Variants in ANO4 observed in about 807,000 individuals in gnomAD.
The protein encoded by ANO4 is anoctamin-4.
A neutral mutation model predicts 141.9 loss-of-function variants in ANO4; 69 were observed. The ratio of observed to expected loss-of-function variants is 0.49; its 90% CI spans 0.40 to 0.59. ANO4 has a LOEUF of 0.59. Ranked by LOEUF, ANO4 falls within the 20% of genes least tolerant of loss-of-function variation. ANO4 has a pLI of 0.00. For synonymous variants in ANO4, 350 were observed against 394.3 expected, an observed-to-expected ratio of 0.89 and a Z score of 1.33; for missense variants, 894 against 1,162.2, an observed-to-expected ratio of 0.77 and a Z score of 3.36.
chr12:100,828,134 G>A (rs949037896), intron 1 of ANO4, among the ~76,000 whole-genome samples: 3 of 152,006 alleles, frequency 2.0e-5, no homozygotes, highest in Non-Finnish European at 4.4e-5. Flanking sequence ...GTCTCATTGG[G>A]CTTGGCAAGA....
chr12:100,981,470 G>A (rs563311357), intron 7 of ANO4, among the ~76,000 whole-genome samples: 3 of 151,858 alleles, frequency 2.0e-5, no homozygotes, highest in African/African-American at 7.2e-5. Flanking sequence ...AAGAAAGGAA[G>A]GGAGGGAGGG....
intron 6 of ANO4, among the ~76,000 whole-genome samples, chr12:100,974,384 C>T (rs1337751627): frequency 1.3e-5 from 2 of 151,742 alleles, no homozygotes; most frequent in Admixed American, 6.6e-5. Context: ...TTATATTACT[C>T]CTGTCTATAC....
At chr12:101,029,314 C>G (rs548563966) in intron 9 of ANO4, among the ~76,000 whole-genome samples, 2 of 152,214 alleles carry the variant, frequency 1.3e-5, no homozygotes, top group Admixed American at 1.3e-4. Context: ...ATGACAGGAT[C>G]GAATTCACAC....
intron 3 of ANO4, among the ~76,000 whole-genome samples, chr12:100,753,326 C>T (rs61944799): frequency 0.14 from 21,541 of 152,184 alleles, 1,753 homozygotes; most frequent in Non-Finnish European, 0.18. Context: ...CAATCTATCA[C>T]AGCCTCTCTA....
At chr12:100,776,378 A>G (rs2033505043) in intron 3 of ANO4, among the ~76,000 whole-genome samples, 1 of 152,148 alleles carries the variant, frequency 6.6e-6, no homozygotes, top group Non-Finnish European at 1.5e-5. Context: ...CAGAGCTTGG[A>G]TAAGTTAATG....
chr12:100,780,862 G>T (rs2033691094), intron 3 of ANO4, among the ~76,000 whole-genome samples: 1 of 152,050 alleles, frequency 6.6e-6, no homozygotes, highest in African/African-American at 2.4e-5. Flanking sequence ...AAATTTTTAG[G>T]TGTTAATAGT....
intron 2 of ANO4, among the ~76,000 whole-genome samples, chr12:100,912,103 A>T (rs1392333200): frequency 6.6e-6 from 1 of 152,122 alleles, no homozygotes; most frequent in Admixed American, 6.5e-5. Flanking sequence ...CAGGTATTTA[A>T]TTTCTTATGT....
At chr12:101,053,133 G>A (rs1349209251) in intron 14 of ANO4, among the ~76,000 whole-genome samples, 1 of 152,116 alleles carries the variant, frequency 6.6e-6, no homozygotes, top group African/African-American at 2.4e-5. Context: ...TATAATACAG[G>A]GCAAGTCCAA....
At chr12:100,933,667 T>C (rs1366781169) in intron 3 of ANO4, among the ~76,000 whole-genome samples, 1 of 152,238 alleles carries the variant, frequency 6.6e-6, no homozygotes, top group East Asian at 1.9e-4. Context: ...TATTTCTAAT[T>C]CTAGATCCTT....
chr12:101,060,844 C>T (rs529450370), intron 14 of ANO4, among the ~76,000 whole-genome samples: 70 of 152,072 alleles, frequency 4.6e-4, no homozygotes, highest in Non-Finnish European at 9.6e-4. Flanking sequence ...GTTTGCCAAC[C>T]TGTGTCTTTT....
At chr12:100,841,271 C>T (rs890736782) in intron 1 of ANO4, among the ~76,000 whole-genome samples, 2 of 152,134 alleles carry the variant, frequency 1.3e-5, no homozygotes, top group Admixed American at 1.3e-4. Context: ...CAAATCTTGT[C>T]ATCATTTGAT....
At chr12:100,819,747 C>CA (rs769681511) in intron 1 of ANO4, among the ~76,000 whole-genome samples, 1 of 151,924 alleles carries the variant, frequency 6.6e-6, no homozygotes, top group African/African-American at 2.4e-5. Context: ...AATTTGTTGA[C>CA]AAAATTTTTT....
chr12:101,111,123 T>C (rs935573787), intron 23 of ANO4, among the ~76,000 whole-genome samples: 4 of 152,358 alleles, frequency 2.6e-5, no homozygotes, highest in African/African-American at 9.6e-5. Flanking sequence ...GATGTTATTG[T>C]TAATGACGTC....
At chr12:100,974,313 T>C (rs533106742) in intron 6 of ANO4, among the ~76,000 whole-genome samples, 2 of 152,264 alleles carry the variant, frequency 1.3e-5, no homozygotes, top group East Asian at 3.9e-4. Flanking sequence ...GTGTTGATGC[T>C]GACAAGTGAG....
chr12:100,922,140 A>T, intron 2 of ANO4, 86 bp from the exon 3 acceptor site: 1 of 923,104 alleles, frequency 1.1e-6, no homozygotes, highest in South Asian at 2.7e-5. Context: ...TTCACTTTGG[A>T]TTTTGACATA....
chr12:100,796,546 C>T (rs1210980653), intron 1 of ANO4, among the ~76,000 whole-genome samples: 2 of 146,592 alleles, frequency 1.4e-5, no homozygotes, highest in South Asian at 2.1e-4. Flanking sequence ...TAAAAGCATA[C>T]GTTTAAATAA....
chr12:101,083,729 A>G lies in ANO4; in HGVS notation c.1447A>G (p.Asn483Asp), dbSNP rs750919999. The G allele has an allele frequency of 6.2e-7, 1 of 1,609,040 alleles. No individual in the cohort carries two copies. The highest frequency in any genetic ancestry group is 1.1e-5 in the South Asian group (1 of 89,338). ...CAAGTATTCCAAGAAAGAGCGGATG[A>G]ATCCAATTTCTGGAAAGCCAGAACC... ...EAKYSKKERM[N>D]PISGKPEPYQ... is the part of the protein sequence containing the mutation. The change falls in exon 16 of 28, where the codon AAT (asparagine) becomes GAT (aspartate). Residue 483 changes from asparagine (N) to aspartate (D), a missense_variant. Asn to Asp is a conservative substitution (Grantham distance 23). Coordinates refer to ENST00000392977, the MANE Select transcript of ANO4 (RefSeq NM_001286615.2).
rs140020840 is a variant in ANO4 at position 101,114,341 on chromosome 12, T to A, written c.2451-2338T>A. Among the ~76,000 whole-genome samples the A allele has an allele frequency of 8.7e-4, 133 of 152,320 alleles. 1 individual carries two copies. The highest frequency in any genetic ancestry group is 3.1e-3 in the African/African-American group (130 of 41,562). ...AGTGAAACGTCTAGCTGTCCGTGCA[T>A]CTTTTCCCCCATTATGGAAATGATA... On this transcript the variant is annotated intron_variant, in intron 24 of 27. Coordinates refer to ENST00000392977, the MANE Select transcript of ANO4 (RefSeq NM_001286615.2).
chr12:101,110,581 T>A lies in ANO4; in HGVS notation c.2302+25T>A, dbSNP rs532227157. 1.6e-5 allele frequency: 24 copies of A among 1,522,742 alleles called. No homozygotes were observed. In the Admixed American group the frequency reaches 4.8e-4, roughly 31 times the overall value. The allele number at this position is 1,522,742 out of a possible 1,614,324, so 94.3% of individuals were successfully genotyped here. On this transcript the variant is annotated intron_variant, in intron 23 of 27. Coordinates refer to ENST00000392977, the MANE Select transcript of ANO4 (RefSeq NM_001286615.2). Reference sequence around the variant, plus strand: ...GGTAAGTTGGATTTGGGTATGTTTTTAAAAAACATATTAAACATCTGGTGG... The same window carrying A: ...GGTAAGTTGGATTTGGGTATGTTTTAAAAAAACATATTAAACATCTGGTGG...
Sources: allele counts gnomAD v4.1 joint callset (sites outside exome capture counted in the v4.1 genomes callset), GRCh38; gene constraint gnomAD v4.1.1; transcripts MANE v1.5; gene names NCBI Gene and HGNC (gene_info 2026-07-23, HGNC 2026-07-21).